Variants in UBXN2A observed in about 807,000 individuals in gnomAD.
The protein encoded by UBXN2A is UBX domain-containing protein 2A.
In UBXN2A, 28 loss-of-function variants were observed where a neutral mutation model predicts 28.4. The ratio of observed to expected loss-of-function variants is 0.99; its 90% confidence interval spans 0.73 to 1.35. The LOEUF (loss-of-function observed/expected upper bound fraction) is 1.35. Ranked by LOEUF, UBXN2A falls within the 40% of genes most tolerant of loss-of-function variation. The pLI, the probability that UBXN2A is intolerant of heterozygous loss-of-function variation, is 0.00. For missense variants in UBXN2A, 253 were observed against 297.9 expected, an observed-to-expected ratio of 0.85 and a Z score of 1.11; for synonymous variants, 97 against 103.6, an observed-to-expected ratio of 0.94 and a Z score of 0.39.
chr2:23,966,577 C>T (rs188732776), intron 2 of UBXN2A, among the ~76,000 whole-genome samples: 5,750 of 150,538 alleles, frequency 0.038, 112 homozygotes, highest in South Asian at 0.046. Flanking sequence ...CTCAGCCTCC[C>T]GAGTAGCTGG....
At chr2:23,957,872 C>T (rs764010883) in intron 1 of UBXN2A, among the ~76,000 whole-genome samples, 3 of 152,136 alleles carry the variant, frequency 2.0e-5, no homozygotes, top group Non-Finnish European at 4.4e-5. Context: ...ATGTGATCCA[C>T]CCACCTTGGC....
intron 6 of UBXN2A, among the ~76,000 whole-genome samples, chr2:23,986,633 C>T (rs1708143886): frequency 2.1e-5 from 3 of 142,916 alleles, no homozygotes; most frequent in East Asian, 4.1e-4. Flanking sequence ...TTTTTTGAGA[C>T]GGGGTCTTCT....
At chr2:23,965,558 A>G (rs1707127402) in intron 2 of UBXN2A, among the ~76,000 whole-genome samples, 1 of 152,206 alleles carries the variant, frequency 6.6e-6, no homozygotes, top group African/African-American at 2.4e-5. Context: ...TCGCATACCT[A>G]GGATAAATCC....
In UBXN2A at chr2:24,003,724, CAAAAAAAA is replaced by C. The variant is rs557412114; in HGVS notation, c.*3870_*3877del. On this transcript the variant is annotated 3_prime_UTR_variant, in exon 7 of 7. Transcript: ENST00000309033. ...AGTGAAACAAAAATAATGTTCTTAC[CAAAAAAAA>C]AAAAAAAAAAAAGAGGCAATGATAA... 1 of 42,330 alleles carries C rather than the reference CAAAAAAAA, an allele frequency of 2.4e-5. No homozygotes were observed. Among genetic ancestry groups the C allele is most frequent in the South Asian group, 8.0e-4 (1 of 1,256 alleles). 2.6% of individuals were successfully genotyped at this position (42,330 alleles called of 1,614,324 possible).
Position 24,002,797 on chromosome 2 carries a change from A to G in UBXN2A, c.*2930A>G, listed in dbSNP as rs72781667. ...TTACTTTCTGTCATAAAGAAGATAGATGGGTTCTCATGTCTTCTACATTCA... is the reference window on the plus strand; with the variant it reads ...TTACTTTCTGTCATAAAGAAGATAGGTGGGTTCTCATGTCTTCTACATTCA... On this transcript the variant is annotated 3_prime_UTR_variant, in exon 7 of 7. Coordinates refer to ENST00000309033, the MANE Select transcript of UBXN2A (RefSeq NM_181713.4). 17,646 of 152,204 alleles carry G rather than the reference A, an allele frequency of 0.12. 1,138 individuals are homozygous for G. The highest frequency in any genetic ancestry group is 0.21 in the Middle Eastern group (63 of 294). 9.4% of individuals were successfully genotyped at this position (152,204 alleles called of 1,614,324 possible).
At chr2:23,945,888 T>C (rs1706052926) in intron 1 of UBXN2A, among the ~76,000 whole-genome samples, 1 of 151,680 alleles carries the variant, frequency 6.6e-6, no homozygotes, top group East Asian at 1.9e-4. Flanking sequence ...TGGAGTACAG[T>C]GGCATGATCT....
chr2:23,940,819 C>T (rs1705715831), intron 1 of UBXN2A, among the ~76,000 whole-genome samples, 171 bp downstream of exon 1: 1 of 151,876 alleles, frequency 6.6e-6, no homozygotes, highest in Admixed American at 6.6e-5. Context: ...GAAGGGGCGC[C>T]GGCGGCGGAG....
chr2:23,981,621 T>C (rs1707910053), intron 4 of UBXN2A, among the ~76,000 whole-genome samples: 1 of 151,690 alleles, frequency 6.6e-6, no homozygotes, highest in Non-Finnish European at 1.5e-5. Flanking sequence ...TGGCCGGGCG[T>C]GGTGGCTCAC....
chr2:23,979,262 T>C (rs1040178406), intron 4 of UBXN2A, among the ~76,000 whole-genome samples: 1 of 151,986 alleles, frequency 6.6e-6, no homozygotes. Context: ...GGAGAATTGC[T>C]TGAACCCAGG....
chr2:23,986,078 A>G (rs141663745), intron 6 of UBXN2A, among the ~76,000 whole-genome samples: 18,636 of 151,908 alleles, frequency 0.12, 1,228 homozygotes, highest in Middle Eastern at 0.22. Flanking sequence ...GGAGGCCGAG[A>G]CGGGTGGATC....
chr2:23,953,678 A>C (rs1185358218), intron 1 of UBXN2A, among the ~76,000 whole-genome samples: 1 of 152,212 alleles, frequency 6.6e-6, no homozygotes, highest in Non-Finnish European at 1.5e-5. Context: ...ATCTACTGTC[A>C]TCACATTTTT....
rs1706733195 is a variant in UBXN2A, at chr2:23,958,304, G to A, written c.-11G>A. The A allele has an allele frequency of 1.3e-6, 2 of 1,597,078 alleles. No homozygotes were observed. The highest frequency in any genetic ancestry group is 1.8e-5 in the Admixed American group (1 of 56,174). ...TACTTTCTTTGTACTTTTACAGTAA[G>A]GCGAAAGAGAATGAAAGACGTAGAT... is the stretch of plus-strand genomic sequence containing the variant. On this transcript the variant is annotated 5_prime_UTR_variant, in exon 2 of 7. Coordinates refer to ENST00000309033, the MANE Select transcript of UBXN2A (RefSeq NM_181713.4).
At chr2:23,958,487 T>C (rs1706747342) in intron 2 of UBXN2A, 132 bp downstream of exon 2, 1 of 767,702 alleles carries the variant, frequency 1.3e-6, no homozygotes, top group South Asian at 4.1e-5. Context: ...TCATCTACTA[T>C]GTTGAAGTAA....
At chr2:23,933,102 C>G (rs1246540727) in intron 1 of UBXN2A, among the ~76,000 whole-genome samples, 2 of 150,334 alleles carry the variant, frequency 1.3e-5, no homozygotes, top group Non-Finnish European at 3.0e-5. Context: ...GAGACTCCAT[C>G]TCAAAAAAAT....
chr2:23,987,996 G>T (rs1317846556), intron 6 of UBXN2A, among the ~76,000 whole-genome samples: 1 of 151,400 alleles, frequency 6.6e-6, no homozygotes, highest in East Asian at 1.9e-4. Context: ...CGTGGCGTAT[G>T]TCTGTAATCT....
At chr2:23,983,942 C>G (rs1462730616) in intron 5 of UBXN2A, among the ~76,000 whole-genome samples, 1 of 152,230 alleles carries the variant, frequency 6.6e-6, no homozygotes, top group Non-Finnish European at 1.5e-5. Flanking sequence ...TCCCAAAGTG[C>G]TGGGATTACA....
chr2:23,982,440 C>G (rs1707951038), intron 4 of UBXN2A, among the ~76,000 whole-genome samples: 1 of 151,946 alleles, frequency 6.6e-6, no homozygotes, highest in African/African-American at 2.4e-5. Context: ...TTGGACAAGC[C>G]TGGTGTAGTA....
intron 2 of UBXN2A, among the ~76,000 whole-genome samples, chr2:23,967,256 TGAA>T (rs949508945): frequency 6.6e-6 from 1 of 152,190 alleles, no homozygotes; most frequent in Non-Finnish European, 1.5e-5. Flanking sequence ...ATGCACATGA[TGAA>T]GTTTAATAGA....
intron 1 of UBXN2A, among the ~76,000 whole-genome samples, chr2:23,945,742 A>G (rs565856326): frequency 1.3e-5 from 2 of 152,180 alleles, no homozygotes; most frequent in African/African-American, 4.8e-5. Context: ...CCTTTTGACC[A>G]TGAAATATAT....
Sources: gnomAD v4.1 joint callset for allele counts (sites outside exome capture counted in the v4.1 genomes callset) on GRCh38, gnomAD v4.1.1 for gene constraint, MANE v1.5 for transcripts, NCBI Gene and HGNC (gene_info 2026-07-23, HGNC 2026-07-21) for gene names.